Variants in NBPF12 observed in about 807,000 individuals in gnomAD.
The protein encoded by NBPF12 is NBPF member 12, also known as NBPF family member NBPF12.
A neutral mutation model predicts 146.4 loss-of-function variants in NBPF12; 115 were observed. The observed-to-expected ratio is 0.79, with a 90% CI of 0.68 to 0.92. The LOEUF (loss-of-function observed/expected upper bound fraction) is 0.92. Among genes scored for constraint, NBPF12 ranks in the 40% least tolerant of loss-of-function variants. The pLI, the probability that NBPF12 is intolerant of heterozygous loss-of-function variation, is 0.00. For missense variants in NBPF12, 1,205 were observed against 1,326.8 expected, an observed-to-expected ratio of 0.91 and a Z score of 1.43; for synonymous variants, 385 against 508.9, an observed-to-expected ratio of 0.76 and a Z score of 3.28.
At position 146,961,355 on chromosome 1, in the gene NBPF12, TTGTC is replaced by T. The variant is rs1655838861; in HGVS notation, c.176-801_176-798del. 2.0e-5 allele frequency among the ~76,000 whole-genome samples: 3 copies of T among 151,552 alleles called. No individual in the cohort carries two copies. The South Asian group carries it at 6.3e-4, about 32-fold the overall frequency. On this transcript the variant is annotated intron_variant, in intron 4 of 33. Transcript: ENST00000617844. The stretch of plus-strand genomic sequence containing the variant: ...CTGGGCTCCATCCAAGTTGCTTGTC[TTGTC>T]TGTCCCTCAGTTTCCTCATCTGTTC...
Position 146,972,738 on chromosome 1 carries a change from T to G in NBPF12, c.1592-13T>G. The G allele has an allele frequency of 7.4e-7, 1 of 1,353,628 alleles. No individual in the cohort carries two copies. Among genetic ancestry groups the G allele is most frequent in the South Asian group, 1.2e-5 (1 of 85,718 alleles). The allele number at this position is 1,353,628 out of a possible 1,614,324, so 83.9% of individuals were successfully genotyped here. A position where few individuals can be genotyped will look rare whatever the true frequency, so the allele number is the denominator to read the frequency against. ...TTTTTAACCCATCATGTGTTTGCCTTTCTTCTCCCCAGTCCCTGGCCCCAC... is the reference window on the plus strand; with the variant it reads ...TTTTTAACCCATCATGTGTTTGCCTGTCTTCTCCCCAGTCCCTGGCCCCAC... On this transcript the variant is annotated splice_polypyrimidine_tract_variant and intron_variant, in intron 13 of 33. Transcript: ENST00000617844.
At chr1:146,972,855 T>G (rs1656743807) in exon 14 of NBPF12, 2 of 1,253,836 alleles carry the variant, frequency 1.6e-6, no homozygotes, top group African/African-American at 3.0e-5. Flanking sequence ...CAATGAGAAG[T>G]TGCGCCCCCA....
intron 12 of NBPF12, among the ~76,000 whole-genome samples, chr1:146,970,931 A>C (rs1481457552): frequency 6.6e-6 from 1 of 151,272 alleles, no homozygotes; most frequent in Non-Finnish European, 1.5e-5. Context: ...GGGATAGCTG[A>C]GTCTTCATCC....
intron 25 of NBPF12, among the ~76,000 whole-genome samples, 182 bp from the exon 29 acceptor site, chr1:146,987,772 T>C (rs1657885221): frequency 6.6e-6 from 1 of 152,128 alleles, no homozygotes; most frequent in South Asian, 2.1e-4. Context: ...TGTCTTTCTC[T>C]TTCATTCTTT....
Position 146,984,992 on chromosome 1 carries a change from A to G in NBPF12, c.2839+7A>G, listed in dbSNP as rs1223595496. On this transcript the variant is annotated splice_region_variant and intron_variant, in intron 22 of 33. Transcript: ENST00000617844. ...TTGGCTGTTGACATGGATGGTGAGT[A>G]CCTTTCTATGAAGGTGATAAGGATC... The G allele has an allele frequency of 6.2e-5, 75 of 1,203,966 alleles. No individual in the cohort carries two copies. Among genetic ancestry groups the G allele is most frequent in the Non-Finnish European group, 9.0e-5 (73 of 810,198 alleles). 74.6% of individuals were successfully genotyped at this position (1,203,966 alleles called of 1,614,324 possible). A position where few individuals can be genotyped will look rare whatever the true frequency, so the allele number is the denominator to read the frequency against.
intron 6 of NBPF12, among the ~76,000 whole-genome samples, chr1:146,963,540 C>T (rs1429461897): frequency 4.0e-5 from 6 of 151,842 alleles, no homozygotes; most frequent in Admixed American, 1.3e-4. Flanking sequence ...GTCTTTGGAG[C>T]AAAAGGCAGC....
At chr1:146,939,095 G>T (rs1487372838) in intron 1 of NBPF12, 83 bp downstream of exon 1, 4 of 152,276 alleles carry the variant, frequency 2.6e-5, no homozygotes, top group Admixed American at 2.0e-4. Context: ...CGAGCGGGGC[G>T]GTTGCGCCGG....
At chr1:146,970,690 T>C (rs1482967944) in exon 12 of NBPF12, 2 of 1,421,234 alleles carry the variant, frequency 1.4e-6, no homozygotes, top group Non-Finnish European at 2.0e-6. Flanking sequence ...TTGAGGAGGA[T>C]GAGAAAGTGC....
exon 34 of NBPF12, chr1:146,994,696 G>T: frequency 1.3e-6 from 2 of 1,483,768 alleles, no homozygotes; most frequent in South Asian, 1.3e-5. Flanking sequence ...AGTGGGCATG[G>T]CTCTATTCCT....
intron 13 of NBPF12, 66 bp downstream of exon 16, chr1:146,971,460 G>T: frequency 7.8e-7 from 1 of 1,282,228 alleles, no homozygotes; most frequent in Non-Finnish European, 1.1e-6. Context: ...TCTGAGGACA[G>T]GCTGTATATA....
At chr1:146,963,289 T>G in exon 6 of NBPF12, 3 of 1,611,850 alleles carry the variant, frequency 1.9e-6, no homozygotes, top group Non-Finnish European at 2.5e-6. Flanking sequence ...GCACAGCAAC[T>G]TGTCCAAAAG....
At chr1:146,974,488 C>G (rs1158004392) in intron 14 of NBPF12, among the ~76,000 whole-genome samples, 1 of 124,326 alleles carries the variant, frequency 8.0e-6, no homozygotes, top group African/African-American at 3.3e-5. Flanking sequence ...GACTCCACTT[C>G]GTTGTGGTTG....
chr1:146,972,351 G>T (rs1433128829), intron 13 of NBPF12, among the ~76,000 whole-genome samples: 2 of 151,388 alleles, frequency 1.3e-5, no homozygotes, highest in Admixed American at 1.3e-4. Context: ...CTGAGATTGT[G>T]CCTCTGCACT....
chr1:146,940,216 A>G (rs1654736671), intron 1 of NBPF12, among the ~76,000 whole-genome samples: 1 of 151,308 alleles, frequency 6.6e-6, no homozygotes, highest in Non-Finnish European at 1.5e-5. Context: ...TTTTTTTTCT[A>G]TTCTAAAATG....
At chr1:146,980,406 G>C (rs1395582875) in intron 19 of NBPF12, among the ~76,000 whole-genome samples, 6 of 152,046 alleles carry the variant, frequency 3.9e-5, no homozygotes, top group Non-Finnish European at 5.9e-5. Flanking sequence ...TTTCTTCCTA[G>C]CTTCAATGGT....
At chr1:146,942,523 AAATG>A (rs1243393666) in intron 1 of NBPF12, among the ~76,000 whole-genome samples, 1 of 151,538 alleles carries the variant, frequency 6.6e-6, no homozygotes, top group Admixed American at 6.6e-5. Flanking sequence ...AATATTTGTT[AAATG>A]AATGAATGAA....
chr1:146,970,414 C>G (rs1237538903), intron 11 of NBPF12, among the ~76,000 whole-genome samples: 1 of 150,998 alleles, frequency 6.6e-6, no homozygotes, highest in Non-Finnish European at 1.5e-5. Context: ...ATATGGGAAG[C>G]AAAAGGTCTT....
At chr1:146,952,402 A>T (rs1655364136) in intron 2 of NBPF12, among the ~76,000 whole-genome samples, 1 of 152,206 alleles carries the variant, frequency 6.6e-6, no homozygotes, top group African/African-American at 2.4e-5. Flanking sequence ...TCTTCAAAAC[A>T]TAATTGAGCG....
intron 31 of NBPF12, among the ~76,000 whole-genome samples, 180 bp downstream of exon 34, chr1:146,992,226 C>G (rs1293013306): frequency 7.5e-6 from 1 of 133,678 alleles, no homozygotes; most frequent in South Asian, 2.3e-4. Flanking sequence ...TCTTCCTCCC[C>G]TTATCATTTA....
Sources: gnomAD v4.1 joint callset for allele counts (sites outside exome capture counted in the v4.1 genomes callset) on GRCh38, gnomAD v4.1.1 for gene constraint, MANE v1.5 for transcripts, NCBI Gene and HGNC (gene_info 2026-07-23, HGNC 2026-07-21) for gene names.